RAPGEF2: variants seen among roughly 807,000 people sequenced by gnomAD.
RAPGEF2 encodes PDZ domain containing guanine nucleotide exchange factor (GEF) 1.
RAPGEF2 carries 54 observed loss-of-function variants against 186.7 expected under a neutral mutation model. The observed-to-expected ratio is 0.29, with a 90% confidence interval of 0.23 to 0.36. RAPGEF2 has a LOEUF of 0.36. Among genes scored for constraint, RAPGEF2 ranks in the 10% least tolerant of loss-of-function variants. RAPGEF2 has a pLI of 1.00. For missense variants in RAPGEF2, 1,532 were observed against 2,045.0 expected, an observed-to-expected ratio of 0.75 and a Z score of 4.84; for synonymous variants, 712 against 705.9, an observed-to-expected ratio of 1.01 and a Z score of -0.14.
At chr4:159,342,123 A>G (rs1007602552) in intron 20 of RAPGEF2, among the ~76,000 whole-genome samples, 176 bp downstream of exon 20, 4 of 152,160 alleles carry the variant, frequency 2.6e-5, no homozygotes, top group Admixed American at 2.0e-4. Flanking sequence ...TCTCGTATCA[A>G]AAAAACAGCT....
intron 4 of RAPGEF2, among the ~76,000 whole-genome samples, chr4:159,233,788 A>G (rs553733638): frequency 1.3e-5 from 2 of 152,248 alleles, no homozygotes; most frequent in South Asian, 2.1e-4. Flanking sequence ...AAATATATAT[A>G]TAAGGAAAAA....
At chr4:159,273,998 GC>G (rs1189877192) in intron 7 of RAPGEF2, among the ~76,000 whole-genome samples, 15 of 151,930 alleles carry the variant, frequency 9.9e-5, no homozygotes, top group African/African-American at 3.6e-4. Context: ...CGCCATGTTG[GC>G]CTGGCCGGTC....
intron 17 of RAPGEF2, among the ~76,000 whole-genome samples, chr4:159,335,363 A>G (rs1041241790): frequency 3.9e-5 from 6 of 152,214 alleles, no homozygotes; most frequent in African/African-American, 9.7e-5. Flanking sequence ...TAACAAGGAA[A>G]GTGTTGGAGA....
At chr4:159,320,582 T>G (rs1023013972) in intron 9 of RAPGEF2, among the ~76,000 whole-genome samples, 12 of 152,152 alleles carry the variant, frequency 7.9e-5, no homozygotes, top group Non-Finnish European at 8.8e-5. Context: ...ATTATCATTT[T>G]CCTTATTGCC....
chr4:159,128,856 A>C (rs946345860), intron 1 of RAPGEF2: 1 of 146,406 alleles, frequency 6.8e-6, no homozygotes, highest in East Asian at 2.1e-4. Flanking sequence ...ACATACATAC[A>C]TACATATGGA....
At chr4:159,280,990 T>TC (rs1270221880) in intron 7 of RAPGEF2, among the ~76,000 whole-genome samples, 1 of 151,806 alleles carries the variant, frequency 6.6e-6, no homozygotes, top group East Asian at 1.9e-4. Context: ...CTACTTCTTT[T>TC]TTTTTTTTTT....
chr4:159,329,160 T>C (rs1766330039), intron 11 of RAPGEF2: 1 of 152,148 alleles, frequency 6.6e-6, no homozygotes, highest in Non-Finnish European at 1.5e-5. Context: ...TTAAAACTTC[T>C]AAGAAATGTA....
At chr4:159,133,186 T>A (rs771646410) in intron 1 of RAPGEF2, among the ~76,000 whole-genome samples, 4 of 152,198 alleles carry the variant, frequency 2.6e-5, no homozygotes, top group Non-Finnish European at 5.9e-5. Context: ...CCTGTGTGTG[T>A]GATTAACCAT....
At chr4:159,309,982 A>G (rs1302012175) in intron 8 of RAPGEF2, among the ~76,000 whole-genome samples, 5 of 132,398 alleles carry the variant, frequency 3.8e-5, no homozygotes, top group African/African-American at 1.7e-4. Context: ...TTAGCAAACA[A>G]TGTTTTAATA....
intron 4 of RAPGEF2, among the ~76,000 whole-genome samples, chr4:159,211,099 C>T (rs1014134720): frequency 2.0e-5 from 3 of 152,188 alleles, no homozygotes; most frequent in African/African-American, 4.8e-5. Flanking sequence ...ATTCCTTTCT[C>T]CCTGTGTCTT....
chr4:159,185,039 C>G (rs982067469), intron 1 of RAPGEF2, among the ~76,000 whole-genome samples: 1 of 152,012 alleles, frequency 6.6e-6, no homozygotes, highest in Admixed American at 6.6e-5. Flanking sequence ...AGACACTTAT[C>G]CAAGAAGTTA....
At chr4:159,175,133 G>A (rs896726524) in intron 1 of RAPGEF2, among the ~76,000 whole-genome samples, 2 of 152,308 alleles carry the variant, frequency 1.3e-5, no homozygotes, top group African/African-American at 4.8e-5. Context: ...GCAATGACCA[G>A]TAATGTCATT....
intron 7 of RAPGEF2, among the ~76,000 whole-genome samples, chr4:159,265,870 ATGT>A (rs1412812117): frequency 1.3e-5 from 2 of 152,208 alleles, no homozygotes; most frequent in Non-Finnish European, 2.9e-5. Context: ...TAATAAACAG[ATGT>A]TGTGATGGAT....
chr4:159,188,334 G>T lies in RAPGEF2; in HGVS notation c.140+1622G>T, dbSNP rs140702902. Among the ~76,000 whole-genome samples, 129 of 152,202 alleles carry T rather than the reference G, an allele frequency of 8.5e-4. 1 individual carries two copies. The East Asian group carries it at 0.02, about 23-fold the overall frequency. On this transcript the variant is annotated intron_variant, in intron 2 of 29. Coordinates refer to ENST00000691494, the MANE Select transcript of RAPGEF2 (RefSeq NM_001394067.2). ...ATAGGAATTCTATGCAATAGAAAAA[G>T]GATTTTTTATACTTACAGAAATTTT...
intron 1 of RAPGEF2, among the ~76,000 whole-genome samples, chr4:159,107,079 T>G (rs1208596385): frequency 6.6e-6 from 1 of 152,216 alleles, no homozygotes; most frequent in Admixed American, 6.5e-5. Flanking sequence ...AGGAAAACTC[T>G]AATCCAATGT....
At chr4:159,186,445 T>A (rs1433941438) in intron 1 of RAPGEF2, among the ~76,000 whole-genome samples, 197 bp from the exon 2 acceptor site, 5 of 152,090 alleles carry the variant, frequency 3.3e-5, no homozygotes, top group Non-Finnish European at 7.4e-5. Context: ...GTTTAGTGCA[T>A]ATCCCAGAAG....
chr4:159,134,120 C>T (rs1741432280), intron 1 of RAPGEF2, among the ~76,000 whole-genome samples: 1 of 152,194 alleles, frequency 6.6e-6, no homozygotes, highest in Non-Finnish European at 1.5e-5. Flanking sequence ...TGCCTTTGTG[C>T]CTTTTTGTAG....
chr4:159,264,684 C>T (rs1579670064), intron 7 of RAPGEF2, among the ~76,000 whole-genome samples: 1 of 152,218 alleles, frequency 6.6e-6, no homozygotes, highest in East Asian at 1.9e-4. Context: ...CCATTACCGC[C>T]ATCCATCTCC....
intron 4 of RAPGEF2, among the ~76,000 whole-genome samples, chr4:159,221,932 A>G (rs1342922372): frequency 1.3e-5 from 2 of 152,284 alleles, no homozygotes; most frequent in East Asian, 3.8e-4. Flanking sequence ...ACTAGTTTTA[A>G]GTATATTCTA....
Sources: gnomAD v4.1 joint callset for allele counts (sites outside exome capture counted in the v4.1 genomes callset) on GRCh38, gnomAD v4.1.1 for gene constraint, MANE v1.5 for transcripts, NCBI Gene and HGNC (gene_info 2026-07-23, HGNC 2026-07-21) for gene names.